Variants in CDH18 observed in about 807,000 individuals in gnomAD.
The protein encoded by CDH18 is cadherin-18.
A neutral mutation model predicts 67.9 loss-of-function variants in CDH18; 31 were observed. That is an observed-to-expected ratio of 0.46 (90% CI 0.34 to 0.62). The LOEUF is 0.62. Ranked by LOEUF, CDH18 falls within the 20% of genes least tolerant of loss-of-function variation. The pLI, the probability that CDH18 is intolerant of heterozygous loss-of-function variation, is 0.01. For missense variants in CDH18, 890 were observed against 975.5 expected (o/e 0.91, Z 1.17); for synonymous variants, 362 against 347.2 (o/e 1.04, Z -0.48).
At chr5:20,373,237 C>G (rs1236738300) in intron 1 of CDH18, among the ~76,000 whole-genome samples, 1 of 152,188 alleles carries the variant, frequency 6.6e-6, no homozygotes, top group East Asian at 1.9e-4. Context: ...CTCTCAGACT[C>G]TACATCAGAG....
intron 5 of CDH18, among the ~76,000 whole-genome samples, chr5:19,666,282 A>ATTATTT (rs1757935462): frequency 7.5e-6 from 1 of 133,844 alleles, no homozygotes; most frequent in South Asian, 2.4e-4. Flanking sequence ...TATTATTATT[A>ATTATTT]TTTTCTCTAG....
intron 1 of CDH18, chr5:20,305,745 C>G (rs1212048308): frequency 3.0e-6 from 1 of 332,278 alleles, no homozygotes; most frequent in Non-Finnish European, 5.6e-6. Flanking sequence ...GGAACCGCGC[C>G]GAACACGCTT....
At chr5:20,538,902 T>TTTTG (rs1554016288) in intron 1 of CDH18, among the ~76,000 whole-genome samples, 19 of 130,650 alleles carry the variant, frequency 1.5e-4, no homozygotes, top group Admixed American at 1.4e-3. Flanking sequence ...CCAACTGTTT[T>TTTTG]TTTTTTGTTT....
At chr5:19,532,179 T>C (rs964949891) in intron 9 of CDH18, among the ~76,000 whole-genome samples, 3 of 152,188 alleles carry the variant, frequency 2.0e-5, no homozygotes, top group Non-Finnish European at 4.4e-5. Context: ...ATGTTAGACT[T>C]CCATTTGACA....
At chr5:20,004,780 T>C (rs980745257) in intron 2 of CDH18, among the ~76,000 whole-genome samples, 1 of 152,094 alleles carries the variant, frequency 6.6e-6, no homozygotes, top group East Asian at 1.9e-4. Context: ...ACTGAAGAAA[T>C]CACTACAAAG....
At chr5:19,487,582 C>T (rs1352235641) in intron 11 of CDH18, among the ~76,000 whole-genome samples, 1 of 152,136 alleles carries the variant, frequency 6.6e-6, no homozygotes, top group Non-Finnish European at 1.5e-5. Context: ...TTATCTTTTT[C>T]ATTATAACCA....
intron 2 of CDH18, among the ~76,000 whole-genome samples, chr5:19,994,411 T>C (rs930482280): frequency 6.6e-6 from 1 of 151,262 alleles, no homozygotes; most frequent in Non-Finnish European, 1.5e-5. Flanking sequence ...GTTAATAACT[T>C]TCTCTATCAT....
chr5:19,784,296 A>G (rs1775462738), intron 3 of CDH18, among the ~76,000 whole-genome samples: 1 of 152,176 alleles, frequency 6.6e-6, no homozygotes. Flanking sequence ...GAAAAGTTAG[A>G]TTCTTATGTT....
At chr5:20,212,919 G>A (rs886728913) in intron 2 of CDH18, among the ~76,000 whole-genome samples, 14 of 151,986 alleles carry the variant, frequency 9.2e-5, no homozygotes, top group Admixed American at 8.5e-4. Context: ...TTTTTTTACT[G>A]TTTTGCTTTC....
chr5:20,203,014 A>T (rs921135509), intron 2 of CDH18, among the ~76,000 whole-genome samples: 57 of 152,170 alleles, frequency 3.7e-4, no homozygotes, highest in African/African-American at 1.3e-3. Context: ...GCCACAGAGA[A>T]GTAAAACATA....
At chr5:20,365,794 T>C (rs141513697) in intron 1 of CDH18, among the ~76,000 whole-genome samples, 1 of 152,214 alleles carries the variant, frequency 6.6e-6, no homozygotes, top group African/African-American at 2.4e-5. Flanking sequence ...GGCTTTTTGG[T>C]TTCATTTTTT....
At chr5:20,431,504 A>AAAAAAAAAAAAAAAAAAAAAAAAAAGAAG (rs536468948) in intron 1 of CDH18, among the ~76,000 whole-genome samples, 2 of 138,744 alleles carry the variant, frequency 1.4e-5, no homozygotes, top group African/African-American at 2.7e-5. Context: ...AAAAAAAAAA[A>AAAAAAAAAAAAAAAAAAAAAAAAAAGAAG]AAGAAGAAGA....
intron 3 of CDH18, among the ~76,000 whole-genome samples, chr5:19,809,533 A>G (rs942123514): frequency 1.3e-4 from 20 of 152,192 alleles, no homozygotes; most frequent in Admixed American, 2.0e-4. Context: ...TATAATAAAA[A>G]AAAATTAGAC....
intron 6 of CDH18, among the ~76,000 whole-genome samples, chr5:19,592,634 A>G (rs760614394): frequency 6.6e-6 from 1 of 152,164 alleles, no homozygotes; most frequent in African/African-American, 2.4e-5. Context: ...ACAAAAGTCT[A>G]ATCTAGTGAA....
chr5:19,804,278 G>A (rs914129780), intron 3 of CDH18, among the ~76,000 whole-genome samples: 1 of 151,264 alleles, frequency 6.6e-6, no homozygotes, highest in African/African-American at 2.4e-5. Flanking sequence ...CTCCAGCCTG[G>A]GGGACAGAGC....
At chr5:20,324,317 A>C (rs1485482453) in intron 1 of CDH18, among the ~76,000 whole-genome samples, 1 of 152,176 alleles carries the variant, frequency 6.6e-6, no homozygotes, top group Non-Finnish European at 1.5e-5. Flanking sequence ...AGGCAGGCGG[A>C]TCACGAGGTC....
intron 2 of CDH18, among the ~76,000 whole-genome samples, chr5:20,097,953 A>G (rs1746130006): frequency 6.6e-6 from 1 of 151,822 alleles, no homozygotes; most frequent in African/African-American, 2.4e-5. Flanking sequence ...ACTTATTCTG[A>G]CCTGGTTTTA....
chr5:20,145,730 T>G (rs1323069953), intron 2 of CDH18, among the ~76,000 whole-genome samples: 1 of 152,188 alleles, frequency 6.6e-6, no homozygotes. Context: ...ATGATCACAA[T>G]TTTTTATGTT....
At chr5:19,864,874 T>C (rs1190347734) in intron 2 of CDH18, among the ~76,000 whole-genome samples, 2 of 152,172 alleles carry the variant, frequency 1.3e-5, no homozygotes, top group Admixed American at 1.3e-4. Flanking sequence ...TTCTGATACA[T>C]GCACAAATTT....
Sources: allele counts gnomAD v4.1 joint callset (sites outside exome capture counted in the v4.1 genomes callset), GRCh38; gene constraint gnomAD v4.1.1; transcripts MANE v1.5; gene names NCBI Gene and HGNC (gene_info 2026-07-23, HGNC 2026-07-21).